CNST: variants seen among roughly 807,000 people sequenced by gnomAD.
The protein encoded by CNST is consortin.
In CNST, 39 loss-of-function variants were observed where a neutral mutation model predicts 72.4. The ratio of observed to expected loss-of-function variants is 0.54; its 90% CI spans 0.42 to 0.70. The LOEUF is 0.70. Among genes scored for constraint, CNST ranks in the 30% least tolerant of loss-of-function variants. The probability of loss-of-function intolerance (pLI) is 0.00; values close to 1 mark genes in which losing one functional copy is unlikely to be tolerated. For missense variants in CNST, 871 were observed against 868.5 expected (o/e 1.00, Z -0.04); for synonymous variants, 332 against 320.1 (o/e 1.04, Z -0.40).
intron 2 of CNST, among the ~76,000 whole-genome samples, chr1:246,617,882 G>A (rs1392727281): frequency 6.6e-6 from 1 of 152,164 alleles, no homozygotes; most frequent in Non-Finnish European, 1.5e-5. Context: ...CAATTGCTAT[G>A]ATTATTTGAG....
intron 2 of CNST, among the ~76,000 whole-genome samples, chr1:246,610,604 C>G (rs190354039): frequency 2.6e-5 from 4 of 152,220 alleles, no homozygotes; most frequent in Admixed American, 6.5e-5. Context: ...AGGGTCTCGC[C>G]TTTGTTCAGG....
In CNST at chr1:246,566,498, G is replaced by A; in HGVS notation, c.-217G>A. On this transcript the variant is annotated 5_prime_UTR_variant, in exon 1 of 11. The change creates a new upstream start codon in the 5' untranslated region. Transcript: ENST00000366513. ...GCCTCCAGCCGGCCAGCCGCGAGGG[G>A]TGCGCAGAGGGAGGCGGGGCGGAAA... 2.3e-6 allele frequency: 1 copy of A among 439,040 alleles called. No individual in the cohort carries two copies. The highest frequency in any genetic ancestry group is 3.2e-5 in the East Asian group (1 of 31,254). The allele number at this position is 439,040 out of a possible 1,614,324, so 27.2% of individuals were successfully genotyped here.
chr1:246,587,961 G>A (rs1661297024), intron 1 of CNST, among the ~76,000 whole-genome samples: 1 of 152,020 alleles, frequency 6.6e-6, no homozygotes. Context: ...CCGAAAATCT[G>A]TATTTGATGT....
At chr1:246,650,436 C>T (rs1558592043) in intron 9 of CNST, among the ~76,000 whole-genome samples, 1 of 152,162 alleles carries the variant, frequency 6.6e-6, no homozygotes, top group Non-Finnish European at 1.5e-5. Context: ...TGAATACTTA[C>T]TACCCTCGCT....
intron 4 of CNST, among the ~76,000 whole-genome samples, 175 bp downstream of exon 4, chr1:246,632,099 CTG>C (rs1467953885): frequency 6.6e-6 from 1 of 152,164 alleles, no homozygotes; most frequent in Non-Finnish European, 1.5e-5. Flanking sequence ...TAGGAAATTT[CTG>C]TCTCTTCACA....
chr1:246,635,993 T>C (rs930877576), intron 6 of CNST, among the ~76,000 whole-genome samples: 34 of 152,336 alleles, frequency 2.2e-4, no homozygotes, highest in Non-Finnish European at 4.1e-4. Context: ...TGAGTAAGCC[T>C]GGGTTCCCCA....
At chr1:246,662,024 A>G (rs1407304591) in intron 10 of CNST, among the ~76,000 whole-genome samples, 1 of 152,224 alleles carries the variant, frequency 6.6e-6, no homozygotes, top group African/African-American at 2.4e-5. Context: ...CTTTGTAGCC[A>G]CCTCATCTTA....
At chr1:246,635,105 TG>T (rs1238959527) in intron 6 of CNST, among the ~76,000 whole-genome samples, 1 of 152,060 alleles carries the variant, frequency 6.6e-6, no homozygotes, top group East Asian at 1.9e-4. Context: ...CTTTCGGCCC[TG>T]GGGAGAATCT....
chr1:246,632,741 AAAG>A (rs940066666), intron 4 of CNST, among the ~76,000 whole-genome samples: 1 of 152,180 alleles, frequency 6.6e-6, no homozygotes, highest in Non-Finnish European at 1.5e-5. Context: ...GATCATTTAC[AAAG>A]AAGTAGAATC....
intron 1 of CNST, among the ~76,000 whole-genome samples, chr1:246,585,157 C>G (rs1269377666): frequency 6.6e-6 from 1 of 152,098 alleles, no homozygotes; most frequent in Non-Finnish European, 1.5e-5. Flanking sequence ...CCTGTGGTCC[C>G]CTCTTCTTGG....
chr1:246,598,996 G>A (rs1662077106), intron 2 of CNST, among the ~76,000 whole-genome samples: 1 of 152,148 alleles, frequency 6.6e-6, no homozygotes, highest in Non-Finnish European at 1.5e-5. Context: ...ACAATGACAT[G>A]CAGAAACAGT....
intron 1 of CNST, among the ~76,000 whole-genome samples, chr1:246,587,047 A>G (rs925534736): frequency 5.3e-5 from 8 of 152,340 alleles, no homozygotes; most frequent in Admixed American, 3.9e-4. Context: ...AAAAAATGGA[A>G]ATAATTTTAG....
At position 246,659,321 on chromosome 1, in the gene CNST, G is replaced by A. The variant is rs547208053; in HGVS notation, c.1837-878G>A. 8.2e-4 allele frequency among the ~76,000 whole-genome samples: 125 copies of A among 152,296 alleles called. 2 individuals carry two copies. The East Asian group carries it at 0.018, about 22-fold the overall frequency. On this transcript the variant is annotated intron_variant, in intron 9 of 10. Coordinates refer to ENST00000366513, the MANE Select transcript of CNST (RefSeq NM_152609.3). Reference sequence around the variant, plus strand: ...GAAAGTAATATGTCCCAGGCCGGGTGCGGTGGCTCACACCTGTAATCCCAG... The same window carrying A: ...GAAAGTAATATGTCCCAGGCCGGGTACGGTGGCTCACACCTGTAATCCCAG...
In CNST at chr1:246,566,480, G is replaced by A. The variant is rs1469895615; in HGVS notation, c.-235G>A. On this transcript the variant is annotated 5_prime_UTR_variant, in exon 1 of 11. Coordinates refer to ENST00000366513, the MANE Select transcript of CNST (RefSeq NM_152609.3). ...CGCGGTCGCGGGCCGCCAGCCTCCA[G>A]CCGGCCAGCCGCGAGGGGTGCGCAG... 2 of 443,600 alleles carry A rather than the reference G, an allele frequency of 4.5e-6. No homozygotes were observed. The highest frequency in any genetic ancestry group is 8.0e-6 in the Non-Finnish European group (2 of 249,574). The allele number at this position is 443,600 out of a possible 1,614,324, so 27.5% of individuals were successfully genotyped here.
At chr1:246,630,924 T>C (rs1448214981) in intron 3 of CNST, among the ~76,000 whole-genome samples, 1 of 152,040 alleles carries the variant, frequency 6.6e-6, no homozygotes, top group East Asian at 1.9e-4. Context: ...TTTTGTATTT[T>C]TAGTAGAGAT....
intron 10 of CNST, among the ~76,000 whole-genome samples, chr1:246,660,595 C>T (rs757413274): frequency 9.2e-5 from 14 of 151,964 alleles, no homozygotes; most frequent in Non-Finnish European, 1.8e-4. Context: ...TGTGGGGGTA[C>T]GCGCCTGTAA....
rs1053269742 is a variant in CNST at position 246,597,092 on chromosome 1, T to C, written c.379+5151T>C. On this transcript the variant is annotated intron_variant, in intron 2 of 10. Transcript: ENST00000366513. ...CTCTAGGAGTGGAATTGCTGGATCA[T>C]ATGGTAACTTTATGCCAAACAGTTT... 8.5e-5 allele frequency among the ~76,000 whole-genome samples: 13 copies of C among 152,322 alleles called. 1 individual carries two copies. The highest frequency in any genetic ancestry group is 3.1e-4 in the African/African-American group (13 of 41,574).
intron 1 of CNST, among the ~76,000 whole-genome samples, chr1:246,587,947 A>G (rs1661296115): frequency 6.6e-6 from 1 of 152,136 alleles, no homozygotes; most frequent in South Asian, 2.1e-4. Context: ...CTTTCTCTTC[A>G]TAACCGAAAA....
intron 1 of CNST, among the ~76,000 whole-genome samples, chr1:246,575,666 A>G (rs911650106): frequency 2.0e-5 from 3 of 152,010 alleles, no homozygotes; most frequent in Non-Finnish European, 4.4e-5. Flanking sequence ...GATTGTGTAC[A>G]ATTTGTGAAT....
Sources: allele counts gnomAD v4.1 joint callset (sites outside exome capture counted in the v4.1 genomes callset), GRCh38; gene constraint gnomAD v4.1.1; transcripts MANE v1.5; gene names NCBI Gene and HGNC (gene_info 2026-07-23, HGNC 2026-07-21).